The following MAN1C1 variants were observed in gnomAD, a reference collection of about 807,000 sequenced individuals.
MAN1C1 encodes mannosidase alpha class 1C member 1.
MAN1C1 carries 49 observed loss-of-function variants against 71.5 expected under a neutral mutation model. The observed-to-expected ratio is 0.69, with a 90% CI of 0.54 to 0.87. MAN1C1 has a LOEUF of 0.87. Among genes scored for constraint, MAN1C1 ranks in the 40% least tolerant of loss-of-function variants. MAN1C1 has a pLI of 0.00. For synonymous variants in MAN1C1, 352 were observed against 343.7 expected, an observed-to-expected ratio of 1.02 and a Z score of -0.27; for missense variants, 743 against 835.0, an observed-to-expected ratio of 0.89 and a Z score of 1.36.
chr1:25,632,581 T>G (rs1264576451), intron 1 of MAN1C1, among the ~76,000 whole-genome samples: 1 of 152,204 alleles, frequency 6.6e-6, no homozygotes, highest in Admixed American at 6.5e-5. Context: ...CCTTGAGGTG[T>G]AACATTAGGT....
chr1:25,713,695 A>T (rs760683017), intron 2 of MAN1C1, among the ~76,000 whole-genome samples: 2 of 152,210 alleles, frequency 1.3e-5, no homozygotes, highest in African/African-American at 4.8e-5. Context: ...GATGTGCCTC[A>T]TCTCCGGCCT....
At chr1:25,698,355 C>T (rs2046393551) in intron 2 of MAN1C1, among the ~76,000 whole-genome samples, 1 of 152,202 alleles carries the variant, frequency 6.6e-6, no homozygotes, top group African/African-American at 2.4e-5. Flanking sequence ...CGTTTCCTTT[C>T]TTAGCCTCAG....
rs114354866 is a variant in MAN1C1 at position 25,709,032 on chromosome 1, A to G, written c.637+22496A>G. ...GAATCCATACATCTGCAGGGATGAG[A>G]CACAGCCGATGCCCACCGCCATGCA... On this transcript the variant is annotated intron_variant, in intron 2 of 11. Transcript: ENST00000374332. Among the ~76,000 whole-genome samples the G allele has an allele frequency of 7.2e-3, 1,096 of 152,306 alleles. 5 individuals carry two copies. The highest frequency in any genetic ancestry group is 0.015 in the South Asian group (71 of 4,818).
intron 1 of MAN1C1, among the ~76,000 whole-genome samples, chr1:25,658,589 T>G (rs959850980): frequency 1.3e-5 from 2 of 152,152 alleles, no homozygotes; most frequent in African/African-American, 4.8e-5. Flanking sequence ...TAGCTGGGAC[T>G]ACAGGCGCAT....
At chr1:25,732,123 G>A (rs1394960814) in intron 2 of MAN1C1, among the ~76,000 whole-genome samples, 1 of 152,098 alleles carries the variant, frequency 6.6e-6, no homozygotes, top group African/African-American at 2.4e-5. Flanking sequence ...CCTGCAGAGG[G>A]TGCCCAGGCT....
intron 1 of MAN1C1, among the ~76,000 whole-genome samples, chr1:25,628,075 T>G (rs2045325393): frequency 6.6e-6 from 1 of 152,070 alleles, no homozygotes; most frequent in Non-Finnish European, 1.5e-5. Flanking sequence ...TGAGTTTGAC[T>G]TGAATCCATA....
intron 4 of MAN1C1, among the ~76,000 whole-genome samples, chr1:25,751,016 TTCCA>T (rs925171180): frequency 6.6e-6 from 1 of 152,046 alleles, no homozygotes; most frequent in Non-Finnish European, 1.5e-5. Context: ...CCTTCTGTCC[TTCCA>T]TCCATCTTTC....
chr1:25,683,130 A>G (rs1261270985), intron 1 of MAN1C1, among the ~76,000 whole-genome samples: 1 of 152,050 alleles, frequency 6.6e-6, no homozygotes, highest in African/African-American at 2.4e-5. Flanking sequence ...GGAACTGTCC[A>G]TCTCTAAAGT....
chr1:25,717,295 G>C (rs1485296688), intron 2 of MAN1C1, among the ~76,000 whole-genome samples: 1 of 152,120 alleles, frequency 6.6e-6, no homozygotes, highest in Non-Finnish European at 1.5e-5. Context: ...TGGATCACTT[G>C]AGCCCAGCAG....
intron 2 of MAN1C1, among the ~76,000 whole-genome samples, chr1:25,687,182 C>G (rs1052241017): frequency 4.6e-5 from 7 of 152,204 alleles, no homozygotes; most frequent in Admixed American, 2.0e-4. Context: ...CCAAGTGGAG[C>G]AGCCGCACAT....
chr1:25,689,481 G>C (rs1169816306), intron 2 of MAN1C1, among the ~76,000 whole-genome samples: 1 of 152,186 alleles, frequency 6.6e-6, no homozygotes, highest in Non-Finnish European at 1.5e-5. Flanking sequence ...TAGTAGCTCA[G>C]ATTACTGTCA....
chr1:25,662,755 T>G (rs966149886), intron 1 of MAN1C1, among the ~76,000 whole-genome samples: 5 of 151,564 alleles, frequency 3.3e-5, no homozygotes, highest in African/African-American at 1.2e-4. Flanking sequence ...CACAGTAAGA[T>G]CCTCTCTATT....
At chr1:25,675,197 C>T (rs1365058497) in intron 1 of MAN1C1, among the ~76,000 whole-genome samples, 1 of 152,124 alleles carries the variant, frequency 6.6e-6, no homozygotes, top group Non-Finnish European at 1.5e-5. Context: ...GCAGTTTATA[C>T]TGTACCCAAT....
intron 11 of MAN1C1, among the ~76,000 whole-genome samples, 194 bp from the exon 12 acceptor site, chr1:25,783,469 T>C (rs2047724691): frequency 1.3e-5 from 2 of 152,068 alleles, no homozygotes; most frequent in South Asian, 4.1e-4. Flanking sequence ...AGCTCAAGGC[T>C]TTTCTCTGCA....
chr1:25,654,623 C>T lies in MAN1C1; in HGVS notation c.541-31817C>T, dbSNP rs189376164. On this transcript the variant is annotated intron_variant, in intron 1 of 11. Transcript: ENST00000374332. ...GGCAGATGCTGTGGAACGTAATCTG[C>T]TCATGTTTAGGCTGTAAATTTTCCT... Among the ~76,000 whole-genome samples, 56 of 152,182 alleles carry T rather than the reference C, an allele frequency of 3.7e-4. 1 individual carries two copies. The highest frequency in any genetic ancestry group is 4.4e-5 in the Non-Finnish European group (3 of 68,022).
intron 2 of MAN1C1, among the ~76,000 whole-genome samples, chr1:25,728,624 C>T (rs1487914154): frequency 6.6e-6 from 1 of 152,180 alleles, no homozygotes; most frequent in African/African-American, 2.4e-5. Context: ...CCATCATCTT[C>T]AGGTTGTAAC....
chr1:25,682,293 C>G (rs2046165981), intron 1 of MAN1C1, among the ~76,000 whole-genome samples: 1 of 152,206 alleles, frequency 6.6e-6, no homozygotes, highest in Non-Finnish European at 1.5e-5. Flanking sequence ...TGAATAAGAT[C>G]TTGTTCCAGA....
chr1:25,672,400 G>A (rs1321764261), intron 1 of MAN1C1, among the ~76,000 whole-genome samples: 1 of 152,158 alleles, frequency 6.6e-6, no homozygotes, highest in Non-Finnish European at 1.5e-5. Flanking sequence ...TACTTTCCCA[G>A]CTATCTGGGC....
At chr1:25,700,724 T>C (rs143365341) in intron 2 of MAN1C1, among the ~76,000 whole-genome samples, 46 of 152,322 alleles carry the variant, frequency 3.0e-4, no homozygotes, top group Middle Eastern at 3.4e-3. Context: ...ATACTAGAAT[T>C]TGAATGGAGG....
Sources: allele counts gnomAD v4.1 joint callset (sites outside exome capture counted in the v4.1 genomes callset), GRCh38; gene constraint gnomAD v4.1.1; transcripts MANE v1.5; gene names NCBI Gene and HGNC (gene_info 2026-07-23, HGNC 2026-07-21).